Variants in THTPA observed in about 807,000 individuals in gnomAD.
The protein encoded by THTPA is thiamine triphosphatase.
THTPA carries 16 observed loss-of-function variants against 16.5 expected under a neutral mutation model. The observed-to-expected ratio is 0.97, with a 90% CI of 0.66 to 1.47. The LOEUF (loss-of-function observed/expected upper bound fraction) is 1.47, where lower values mean the gene tolerates loss of function less well. Among genes scored for constraint, THTPA ranks in the 40% most tolerant of loss-of-function variants. The pLI, the probability that THTPA is intolerant of heterozygous loss-of-function variation, is 0.00. For synonymous variants in THTPA, 110 were observed against 115.5 expected (o/e 0.95, Z 0.30); for missense variants, 281 against 280.9 (o/e 1.00, Z 0.00).
upstream of THTPA, among the ~76,000 whole-genome samples, chr14:23,551,039 G>C (rs222683): frequency 0.021 from 3,179 of 151,600 alleles, 70 homozygotes; most frequent in Non-Finnish European, 0.027. The surrounding 1 kb of genome is among the most constrained non-coding windows in gnomAD (Gnocchi z 5.3). Flanking sequence ...TCGTCTGTCC[G>C]GCGGGCCTCT....
At chr14:23,529,927 G>T in the THTPA span, among the ~76,000 whole-genome samples, 2 of 152,152 alleles carry the variant, frequency 1.3e-5, no homozygotes, top group African/African-American at 4.8e-5. Context: ...CAGTAGGATG[G>T]TCAGGTCTGA....
At chr14:23,513,855 T>C in the THTPA span, 2 of 152,296 alleles carry the variant, frequency 1.3e-5, no homozygotes, top group African/African-American at 4.8e-5. Context: ...TGAAAAATGG[T>C]TGGAGTATGA....
the THTPA span, chr14:23,525,660 G>A: frequency 6.5e-7 from 1 of 1,535,622 alleles, no homozygotes; most frequent in Non-Finnish European, 8.7e-7. This position sits in a 1 kb window ranked among gnomAD's most constrained non-coding sequence, Gnocchi z 5.9. Flanking sequence ...AATGGGTCGG[G>A]GGGTGAGGAA....
chr14:23,523,794 T>G, the THTPA span: 1 of 1,536,210 alleles, frequency 6.5e-7, no homozygotes, highest in South Asian at 1.2e-5. This position sits in a 1 kb window ranked among gnomAD's most constrained non-coding sequence, Gnocchi z 4.1. Flanking sequence ...GGTCCCCCAC[T>G]GGTCCCTCCA....
upstream of THTPA, chr14:23,551,277 G>A (rs1427656034): frequency 1.3e-5 from 2 of 152,538 alleles, no homozygotes; most frequent in Admixed American, 6.6e-5. This position sits in a 1 kb window ranked among gnomAD's most constrained non-coding sequence, Gnocchi z 5.3. Context: ...AGCAAGGAAG[G>A]GAAGAAGAGA....
chr14:23,533,252 A>C, the THTPA span: 1 of 1,105,060 alleles, frequency 9.0e-7, no homozygotes, highest in Non-Finnish European at 1.2e-6. This position sits in a 1 kb window ranked among gnomAD's most constrained non-coding sequence, Gnocchi z 4.8. Flanking sequence ...GGCCCTGGGG[A>C]GGAGAGAAGA....
chr14:23,551,437 G>A (rs1001603422), upstream of THTPA: 3 of 152,414 alleles, frequency 2.0e-5, no homozygotes, highest in African/African-American at 4.8e-5. The surrounding 1 kb of genome is among the most constrained non-coding windows in gnomAD (Gnocchi z 5.3). Flanking sequence ...GGACTTCTCC[G>A]ATGTGTTGAT....
chr14:23,547,964 C>G, the THTPA span, among the ~76,000 whole-genome samples: 1 of 152,160 alleles, frequency 6.6e-6, no homozygotes, highest in Non-Finnish European at 1.5e-5. Flanking sequence ...TCCCATTTCC[C>G]CCCTTTCTGT....
chr14:23,540,418 T>TA, the THTPA span, among the ~76,000 whole-genome samples: 116 of 152,342 alleles, frequency 7.6e-4, no homozygotes, highest in African/African-American at 2.7e-3. Flanking sequence ...CACCCTTCCA[T>TA]ACTCACTGTC....
At chr14:23,520,395 A>AG in the THTPA span, among the ~76,000 whole-genome samples, 61,764 of 151,510 alleles carry the variant, frequency 0.41, 15,636 homozygotes, top group Non-Finnish European at 0.54. This position sits in a 1 kb window ranked among gnomAD's most constrained non-coding sequence, Gnocchi z 8.7. Flanking sequence ...GTGGGCCTCC[A>AG]GGGGGGCAGC....
At position 23,558,678 on chromosome 14, in the gene THTPA, T is replaced by C. The variant is rs1430258449; in HGVS notation, c.548-17T>C. The stretch of plus-strand genomic sequence containing the variant: ...TGGCTCTGTCCATTTCTCTCCTCAT[T>C]GTCCTTTTACCTGTAGGTGTGCCTG... On this transcript the variant is annotated splice_polypyrimidine_tract_variant and intron_variant, in intron 1 of 1. Coordinates refer to ENST00000288014, the MANE Select transcript of THTPA (RefSeq NM_024328.6). 3 of 1,613,952 alleles carry C rather than the reference T, an allele frequency of 1.9e-6. No homozygotes were observed. In the African/African-American group the frequency reaches 4.0e-5, roughly 22 times the overall value.
chr14:23,519,908 G>A, the THTPA span, among the ~76,000 whole-genome samples: 1 of 152,190 alleles, frequency 6.6e-6, no homozygotes, highest in Admixed American at 6.5e-5. Context: ...AGGATGGAAG[G>A]AGAACACCTT....
chr14:23,552,638 G>A (rs1595204243), upstream of THTPA, among the ~76,000 whole-genome samples: 3 of 151,774 alleles, frequency 2.0e-5, no homozygotes, highest in Admixed American at 2.0e-4. Context: ...GAGTCACTCT[G>A]TCGCCCAGGC....
At chr14:23,536,276 G>A in the THTPA span, among the ~76,000 whole-genome samples, 1 of 152,190 alleles carries the variant, frequency 6.6e-6, no homozygotes, top group Non-Finnish European at 1.5e-5. Flanking sequence ...AACAATGCCT[G>A]CCACAGTCAG....
the THTPA span, chr14:23,526,531 A>G: frequency 1.3e-5 from 20 of 1,535,744 alleles, no homozygotes; most frequent in Non-Finnish European, 1.7e-5. Context: ...CTACGTCTTC[A>G]GCTTGGGCAT....
chr14:23,547,301 G>A, the THTPA span, among the ~76,000 whole-genome samples: 1 of 152,250 alleles, frequency 6.6e-6, no homozygotes, highest in Admixed American at 6.5e-5. Context: ...CTTGGGATAG[G>A]TGTTTAGAAT....
the THTPA span, chr14:23,533,187 T>C: frequency 5.6e-6 from 8 of 1,437,624 alleles, no homozygotes; most frequent in Non-Finnish European, 6.4e-6. This position sits in a 1 kb window ranked among gnomAD's most constrained non-coding sequence, Gnocchi z 4.8. Flanking sequence ...TCAGAGGGAC[T>C]TATGGTTACC....
the THTPA span, chr14:23,522,410 G>A: frequency 6.5e-7 from 1 of 1,536,408 alleles, no homozygotes; most frequent in South Asian, 1.2e-5. Context: ...CCCCTCCCCT[G>A]GAGCAGGCAG....
the THTPA span, among the ~76,000 whole-genome samples, chr14:23,536,829 T>C: frequency 6.6e-6 from 1 of 152,066 alleles, no homozygotes; most frequent in Non-Finnish European, 1.5e-5. Context: ...AAAATGAGAC[T>C]CCAAAGGACT....
Sources: gnomAD v4.1 joint callset for allele counts (sites outside exome capture counted in the v4.1 genomes callset) on GRCh38, gnomAD v4.1.1 for gene constraint, Gnocchi (gnomAD v3.1) non-coding constraint, MANE v1.5 for transcripts, NCBI Gene and HGNC (gene_info 2026-07-23, HGNC 2026-07-21) for gene names.